Variants in LRRK1 observed in about 807,000 individuals in gnomAD.
LRRK1 encodes leucine rich repeat kinase 1.
A neutral mutation model predicts 209.1 loss-of-function variants in LRRK1; 113 were observed. The observed-to-expected ratio is 0.54, with a 90% CI of 0.46 to 0.63. LRRK1 has a LOEUF of 0.63. LRRK1 is among the 30% of genes least tolerant of loss of function. The pLI is 0.00. For missense variants in LRRK1, 2,284 were observed against 2,632.2 expected, an observed-to-expected ratio of 0.87 and a Z score of 2.89; for synonymous variants, 1,144 against 1,099.7, an observed-to-expected ratio of 1.04 and a Z score of -0.80.
chr15:101,062,114 G>A (rs1399359544), intron 30 of LRRK1, among the ~76,000 whole-genome samples: 3 of 152,176 alleles, frequency 2.0e-5, no homozygotes, highest in East Asian at 3.9e-4. Flanking sequence ...ATGGGCGAGA[G>A]CAAGGGCTCT....
chr15:101,029,888 AGAATGAGC>A (rs1369408563), intron 20 of LRRK1, among the ~76,000 whole-genome samples: 1 of 152,220 alleles, frequency 6.6e-6, no homozygotes, highest in African/African-American at 2.4e-5. Flanking sequence ...CAACAAAAAA[AGAATGAGC>A]GACTAGGATG....
chr15:100,936,758 TG>T (rs1211059816), intron 2 of LRRK1, among the ~76,000 whole-genome samples: 1 of 152,184 alleles, frequency 6.6e-6, no homozygotes, highest in African/African-American at 2.4e-5. Flanking sequence ...TGAGCTTGGG[TG>T]CTATCACTTC....
chr15:101,037,436 GC>G (rs1049775518), intron 20 of LRRK1, among the ~76,000 whole-genome samples: 14 of 152,152 alleles, frequency 9.2e-5, no homozygotes, highest in African/African-American at 3.4e-4. Context: ...TGGCACAGGG[GC>G]CAGGGGACAT....
intron 2 of LRRK1, among the ~76,000 whole-genome samples, chr15:100,972,248 C>CCA (rs1198236953): frequency 6.6e-6 from 1 of 151,514 alleles, no homozygotes; most frequent in Non-Finnish European, 1.5e-5. Flanking sequence ...CAGGCATAAG[C>CCA]CACCACACCC....
Position 100,956,455 on chromosome 15 carries a change from C to CTTTTTCTTTTCTTTTTTTTTTTTT in LRRK1, c.98-17344_98-17343insCTTTTCTTTTTTTTTTTTTTTTTT. Among the ~76,000 whole-genome samples, 14 of 60,520 alleles carry CTTTTTCTTTTCTTTTTTTTTTTTT rather than the reference C, an allele frequency of 2.3e-4. 1 individual carries two copies. The highest frequency in any genetic ancestry group is 7.7e-4 in the African/African-American group (9 of 11,726). The allele number at this position is 60,520 out of a possible 152,430, so 39.7% of individuals were successfully genotyped here. A position where few individuals can be genotyped will look rare whatever the true frequency, so the allele number is the denominator to read the frequency against. ...TTCGCTTTTCTTTCCTTTTTTTTTT[C>CTTTTTCTTTTCTTTTTTTTTTTTT]TTTTTTTTTTTTTTTTTTGAGACAG... On this transcript the variant is annotated intron_variant, in intron 2 of 33. Coordinates refer to ENST00000388948, the MANE Select transcript of LRRK1 (RefSeq NM_024652.6).
chr15:101,028,909 C>T (rs772883646), intron 19 of LRRK1, 47 bp from the exon 20 acceptor site: 73 of 1,591,974 alleles, frequency 4.6e-5, no homozygotes, highest in Non-Finnish European at 5.2e-5. Flanking sequence ...GAGTCCCTTT[C>T]GCTCCTTTGT....
chr15:100,953,693 A>G (rs935414346), intron 2 of LRRK1, among the ~76,000 whole-genome samples: 4 of 152,022 alleles, frequency 2.6e-5, no homozygotes, highest in Non-Finnish European at 5.9e-5. Context: ...CTTTGGGTAA[A>G]TACCCAGCAG....
intron 3 of LRRK1, among the ~76,000 whole-genome samples, chr15:100,981,311 G>A (rs560540314): frequency 8.5e-5 from 13 of 152,348 alleles, no homozygotes; most frequent in Admixed American, 7.2e-4. Flanking sequence ...GTTGTGGGCA[G>A]TGAAGCATTT....
At chr15:100,936,824 G>C (rs2042307914) in intron 2 of LRRK1, among the ~76,000 whole-genome samples, 1 of 152,218 alleles carries the variant, frequency 6.6e-6, no homozygotes, top group African/African-American at 2.4e-5. Flanking sequence ...GGTAGGGATG[G>C]GGTAACCAGA....
intron 3 of LRRK1, among the ~76,000 whole-genome samples, chr15:100,978,205 C>T (rs2031404281): frequency 1.3e-5 from 2 of 151,908 alleles, no homozygotes; most frequent in African/African-American, 2.4e-5. Context: ...AAAGCCAAAG[C>T]AAAAGAAAAT....
intron 12 of LRRK1, among the ~76,000 whole-genome samples, chr15:101,018,439 C>A (rs1474582259): frequency 6.6e-6 from 1 of 152,098 alleles, no homozygotes; most frequent in South Asian, 2.1e-4. Flanking sequence ...TCATGCCAGG[C>A]GGGATGATGG....
chr15:101,072,279 G>T lies in LRRK1; in HGVS notation c.*3431G>T, dbSNP rs954756227. The T allele has an allele frequency of 6.6e-6, 1 of 152,182 alleles. No individual in the cohort carries two copies. Among genetic ancestry groups the T allele is most frequent in the African/African-American group, 2.4e-5 (1 of 41,436 alleles). The allele number at this position is 152,182 out of a possible 1,614,324, so 9.4% of individuals were successfully genotyped here. A position where few individuals can be genotyped will look rare whatever the true frequency, so the allele number is the denominator to read the frequency against. On this transcript the variant is annotated 3_prime_UTR_variant, in exon 34 of 34. Transcript: ENST00000388948. Reference sequence around the variant, plus strand: ...AAAGTGCCCAAAGATACAGAACAAGGATGTTCACTATAGCATCTCTTAGAA... The same window carrying T: ...AAAGTGCCCAAAGATACAGAACAAGTATGTTCACTATAGCATCTCTTAGAA...
At chr15:100,920,916 C>G (rs555775373) in intron 1 of LRRK1, among the ~76,000 whole-genome samples, 94 of 152,284 alleles carry the variant, frequency 6.2e-4, no homozygotes, top group African/African-American at 2.2e-3. Flanking sequence ...GGCCATTGCC[C>G]CAGGCCACAC....
chr15:101,051,858 C>G lies in LRRK1; in HGVS notation c.3587C>G (p.Thr1196Arg). Residue 1196 changes from threonine (T) to arginine (R), a missense_variant, in exon 24 of 34, where the codon ACG becomes AGG. Transcript: ENST00000388948. ...QYFDMEDCVL[T>R]AIERDFISCP... The stretch of plus-strand genomic sequence containing the variant: ...TTCGACATGGAAGACTGTGTCCTGA[C>G]GGCCATCGAGCGGGACTTCATCTCC... 2 of 1,614,126 alleles carry G rather than the reference C, an allele frequency of 1.2e-6. No individual in the cohort carries two copies. Among genetic ancestry groups the G allele is most frequent in the East Asian group, 2.2e-5 (1 of 44,884 alleles).
intron 2 of LRRK1, among the ~76,000 whole-genome samples, chr15:100,930,160 G>C (rs139039592): frequency 2.1e-4 from 32 of 152,282 alleles, no homozygotes; most frequent in African/African-American, 7.5e-4. Context: ...GGCTCTCTTT[G>C]CACCAGGCTT....
At chr15:100,985,855 A>G (rs1038432665) in intron 4 of LRRK1, among the ~76,000 whole-genome samples, 3 of 151,124 alleles carry the variant, frequency 2.0e-5, no homozygotes, top group Non-Finnish European at 2.9e-5. Flanking sequence ...GGAGTTCCCA[A>G]GCTGGAAGGG....
intron 2 of LRRK1, among the ~76,000 whole-genome samples, chr15:100,950,928 GCCA>G (rs1567196391): frequency 6.6e-6 from 1 of 151,466 alleles, no homozygotes; most frequent in Non-Finnish European, 1.5e-5. Context: ...ACGGTGAAAC[GCCA>G]TCTCTACTAA....
intron 31 of LRRK1, 106 bp from the exon 32 acceptor site, chr15:101,065,246 G>A (rs934783555): frequency 7.2e-7 from 1 of 1,395,694 alleles, no homozygotes; most frequent in African/African-American, 1.4e-5. Flanking sequence ...GGTGGAAAGT[G>A]ACTGCCCGCC....
chr15:100,982,429 C>T (rs2031655146), intron 3 of LRRK1, among the ~76,000 whole-genome samples: 1 of 152,234 alleles, frequency 6.6e-6, no homozygotes, highest in South Asian at 2.1e-4. Context: ...TCAATGATAG[C>T]CACTTACTAG....
Sources: gnomAD v4.1 joint callset for allele counts (sites outside exome capture counted in the v4.1 genomes callset) on GRCh38, gnomAD v4.1.1 for gene constraint, MANE v1.5 for transcripts, NCBI Gene and HGNC (gene_info 2026-07-23, HGNC 2026-07-21) for gene names.